SLC9A9: variants seen among roughly 807,000 people sequenced by gnomAD.
SLC9A9 encodes the protein solute carrier family 9 member A9.
In SLC9A9, 62 loss-of-function variants were observed where a neutral mutation model predicts 77.8. The ratio of observed to expected loss-of-function variants is 0.80; its 90% CI spans 0.65 to 0.98. The LOEUF (loss-of-function observed/expected upper bound fraction) is 0.98, where lower values mean the gene tolerates loss of function less well. SLC9A9 is among the 50% of genes least tolerant of loss of function. SLC9A9 has a pLI of 0.00. For missense variants in SLC9A9, 775 were observed against 774.9 expected (o/e 1.00, Z 0.00); for synonymous variants, 320 against 283.5 (o/e 1.13, Z -1.29).
intron 12 of SLC9A9, among the ~76,000 whole-genome samples, chr3:143,445,829 A>G (rs1184495113): frequency 6.6e-6 from 1 of 152,206 alleles, no homozygotes; most frequent in Non-Finnish European, 1.5e-5. Flanking sequence ...AGTAAGATCA[A>G]TTATGTTAAA....
At chr3:143,686,727 C>T (rs1933282756) in intron 5 of SLC9A9, among the ~76,000 whole-genome samples, 3 of 152,090 alleles carry the variant, frequency 2.0e-5, no homozygotes, top group Admixed American at 1.3e-4. Flanking sequence ...CCAAACGAGA[C>T]CCCAAGACAG....
chr3:143,373,861 C>G (rs1576455654), intron 13 of SLC9A9, among the ~76,000 whole-genome samples: 1 of 151,860 alleles, frequency 6.6e-6, no homozygotes, highest in East Asian at 1.9e-4. Flanking sequence ...GATTGGAGGG[C>G]TAGAAAGAGG....
intron 12 of SLC9A9, among the ~76,000 whole-genome samples, chr3:143,403,532 G>A (rs1392289394): frequency 6.6e-6 from 1 of 151,332 alleles, no homozygotes; most frequent in African/African-American, 2.4e-5. Context: ...ATTATTGTCA[G>A]GCAGGTATGC....
intron 8 of SLC9A9, among the ~76,000 whole-genome samples, chr3:143,564,213 C>A (rs1035163177): frequency 6.6e-6 from 1 of 152,172 alleles, no homozygotes; most frequent in African/African-American, 2.4e-5. Context: ...TCACCTACAG[C>A]CTCTGCTTCT....
At chr3:143,691,222 GC>G (rs1171020073) in intron 5 of SLC9A9, among the ~76,000 whole-genome samples, 3 of 151,916 alleles carry the variant, frequency 2.0e-5, no homozygotes, top group Non-Finnish European at 4.4e-5. Flanking sequence ...ATTACACAAG[GC>G]TATTTTTTTA....
Position 143,810,471 on chromosome 3 carries a change from A to G in SLC9A9, c.379-13568T>C, listed in dbSNP as rs567287953. Among the ~76,000 whole-genome samples, 10 of 152,352 alleles carry G rather than the reference A, an allele frequency of 6.6e-5. No individual in the cohort carries two copies. In the South Asian group the frequency reaches 2.1e-3, roughly 32 times the overall value. ...ACATTGTTTCATCAATTCTGACAAC[A>G]TTCTCAAGTGGTAGCTGGCAAATGC... On this transcript the variant is annotated intron_variant, in intron 2 of 15. Coordinates refer to ENST00000316549, the MANE Select transcript of SLC9A9 (RefSeq NM_173653.4).
chr3:143,779,224 G>A (rs1373906876), intron 4 of SLC9A9, among the ~76,000 whole-genome samples: 1 of 152,164 alleles, frequency 6.6e-6, no homozygotes. Context: ...TCAGTTTCAA[G>A]GGAGGGTAGG....
chr3:143,650,979 C>T (rs912070466), intron 6 of SLC9A9, among the ~76,000 whole-genome samples: 1 of 152,216 alleles, frequency 6.6e-6, no homozygotes, highest in Non-Finnish European at 1.5e-5. Context: ...GTTGTGTCGG[C>T]ATGATTCTTT....
intron 4 of SLC9A9, among the ~76,000 whole-genome samples, chr3:143,703,323 A>G (rs1933860929): frequency 6.6e-6 from 1 of 152,130 alleles, no homozygotes; most frequent in African/African-American, 2.4e-5. Flanking sequence ...TAGATCACAA[A>G]ATAAATCTTA....
At chr3:143,384,961 G>A (rs896667183) in intron 12 of SLC9A9, among the ~76,000 whole-genome samples, 13 of 152,174 alleles carry the variant, frequency 8.5e-5, no homozygotes, top group African/African-American at 3.1e-4. Context: ...GGAAAATCTG[G>A]CTAATATATG....
At chr3:143,663,453 A>T (rs2039012791) in intron 5 of SLC9A9, among the ~76,000 whole-genome samples, 1 of 152,258 alleles carries the variant, frequency 6.6e-6, no homozygotes, top group South Asian at 2.1e-4. Context: ...ACAAAGCTGG[A>T]TGGAGAACGA....
chr3:143,753,482 G>T (rs546773262), intron 4 of SLC9A9, among the ~76,000 whole-genome samples: 1 of 152,222 alleles, frequency 6.6e-6, no homozygotes, highest in Non-Finnish European at 1.5e-5. Context: ...GGAAAAGAGA[G>T]GAAGCCAACA....
At chr3:143,484,337 C>A (rs1417943403) in intron 11 of SLC9A9, among the ~76,000 whole-genome samples, 1 of 152,188 alleles carries the variant, frequency 6.6e-6, no homozygotes, top group Non-Finnish European at 1.5e-5. Context: ...TTTTGTTAAC[C>A]TTCTCCTCTG....
chr3:143,657,897 C>A (rs914987833), intron 5 of SLC9A9, among the ~76,000 whole-genome samples: 1 of 151,990 alleles, frequency 6.6e-6, no homozygotes, highest in Non-Finnish European at 1.5e-5. Flanking sequence ...GACTGAGTCT[C>A]GCTCTGTTGC....
intron 9 of SLC9A9, among the ~76,000 whole-genome samples, chr3:143,535,524 C>T (rs2036577349): frequency 6.6e-6 from 1 of 152,090 alleles, no homozygotes; most frequent in Non-Finnish European, 1.5e-5. Flanking sequence ...CAGCAAAATG[C>T]ACTTTTGGAA....
At chr3:143,456,706 A>T (rs2035099053) in intron 12 of SLC9A9, among the ~76,000 whole-genome samples, 1 of 151,942 alleles carries the variant, frequency 6.6e-6, no homozygotes, top group Non-Finnish European at 1.5e-5. Context: ...CTGAGATTAC[A>T]GGTGCCTGTC....
chr3:143,422,818 T>C (rs140442881), intron 12 of SLC9A9, among the ~76,000 whole-genome samples: 290 of 152,318 alleles, frequency 1.9e-3, no homozygotes, highest in African/African-American at 6.8e-3. Flanking sequence ...CCAGTGAGTA[T>C]CAGAGCCAGT....
At chr3:143,338,949 G>A (rs1030163865) in intron 14 of SLC9A9, among the ~76,000 whole-genome samples, 1 of 152,196 alleles carries the variant, frequency 6.6e-6, no homozygotes, top group Non-Finnish European at 1.5e-5. Flanking sequence ...AGAATGTTAT[G>A]TGAACTGAAA....
At chr3:143,732,980 ATG>A (rs1437218122) in intron 4 of SLC9A9, among the ~76,000 whole-genome samples, 5 of 149,944 alleles carry the variant, frequency 3.3e-5, no homozygotes, top group Non-Finnish European at 5.9e-5. Context: ...GAAACCATCA[ATG>A]ACCTGAACAT....
Sources: allele counts gnomAD v4.1 joint callset (sites outside exome capture counted in the v4.1 genomes callset), GRCh38; gene constraint gnomAD v4.1.1; transcripts MANE v1.5; gene names NCBI Gene and HGNC (gene_info 2026-07-23, HGNC 2026-07-21).